Variants in DOK6 observed in about 807,000 individuals in gnomAD.
DOK6 encodes the protein docking protein 6.
DOK6 carries 22 observed loss-of-function variants against 44.0 expected under a neutral mutation model. The ratio of observed to expected loss-of-function variants is 0.50; its 90% CI spans 0.36 to 0.71. The LOEUF (loss-of-function observed/expected upper bound fraction) is 0.71. Among genes scored for constraint, DOK6 ranks in the 30% least tolerant of loss-of-function variants. DOK6 has a pLI of 0.00. For missense variants in DOK6, 340 were observed against 416.4 expected, an observed-to-expected ratio of 0.82 and a Z score of 1.60; for synonymous variants, 166 against 145.5, an observed-to-expected ratio of 1.14 and a Z score of -1.01.
At chr18:69,448,045 AT>A (rs902169409) in intron 1 of DOK6, among the ~76,000 whole-genome samples, 3 of 152,152 alleles carry the variant, frequency 2.0e-5, no homozygotes, top group African/African-American at 7.2e-5. Context: ...TAGCAATTGC[AT>A]TGCTCATTTT....
chr18:69,816,284 G>A (rs1981396126), intron 7 of DOK6, among the ~76,000 whole-genome samples: 1 of 152,126 alleles, frequency 6.6e-6, no homozygotes, highest in South Asian at 2.1e-4. Context: ...ACATTGAAAC[G>A]ACAGCAGCTG....
At chr18:69,556,751 CTATT>C (rs750888739) in intron 1 of DOK6, among the ~76,000 whole-genome samples, 4 of 152,132 alleles carry the variant, frequency 2.6e-5, no homozygotes, top group Admixed American at 6.5e-5. Context: ...ATCTACCTAT[CTATT>C]TAACAGCCAT....
intron 3 of DOK6, among the ~76,000 whole-genome samples, chr18:69,626,643 T>C (rs1287228864): frequency 6.6e-6 from 1 of 152,204 alleles, no homozygotes; most frequent in Non-Finnish European, 1.5e-5. Flanking sequence ...CAGGAAAAAC[T>C]GGTCTTAACC....
intron 5 of DOK6, among the ~76,000 whole-genome samples, chr18:69,725,528 C>T (rs1300886260): frequency 1.3e-5 from 2 of 152,180 alleles, no homozygotes; most frequent in African/African-American, 4.8e-5. Flanking sequence ...CACTCTGTCA[C>T]CCTGGCTGGA....
chr18:69,619,220 T>A (rs1314788060), intron 3 of DOK6, among the ~76,000 whole-genome samples: 1 of 152,214 alleles, frequency 6.6e-6, no homozygotes, highest in Non-Finnish European at 1.5e-5. Context: ...CGGCTGTGAC[T>A]GTGGACCAGG....
intron 1 of DOK6, among the ~76,000 whole-genome samples, chr18:69,513,468 GATA>G (rs1981431607): frequency 6.6e-6 from 1 of 152,178 alleles, no homozygotes; most frequent in Non-Finnish European, 1.5e-5. Context: ...AGTCACTCCA[GATA>G]ATGAGGATTT....
At chr18:69,790,736 CA>C (rs1980570156) in intron 7 of DOK6, among the ~76,000 whole-genome samples, 2 of 152,014 alleles carry the variant, frequency 1.3e-5, no homozygotes, top group Admixed American at 1.3e-4. Flanking sequence ...ACAATCACAT[CA>C]GGGGAGTATT....
chr18:69,823,625 TTGTG>T (rs72248499), intron 7 of DOK6, among the ~76,000 whole-genome samples: 15,677 of 146,650 alleles, frequency 0.11, 850 homozygotes, highest in African/African-American at 0.14. Flanking sequence ...GTGTGTGTGT[TTGTG>T]TGTGTGTGTG....
At position 69,650,680 on chromosome 18, in the gene DOK6, A is replaced by C. The variant is rs573348193; in HGVS notation, c.290-27054A>C. Among the ~76,000 whole-genome samples, 4 of 152,280 alleles carry C rather than the reference A, an allele frequency of 2.6e-5. No homozygotes were observed. In the East Asian group the frequency reaches 7.7e-4, roughly 29 times the overall value. ...TATGCCAGAAGAATAAATTCTAGAG[A>C]TCTTCTGCACAATATTGTGCTTACC... On this transcript the variant is annotated intron_variant, in intron 3 of 7. Transcript: ENST00000382713.
intron 2 of DOK6, among the ~76,000 whole-genome samples, chr18:69,576,884 C>A (rs565422211): frequency 6.6e-6 from 1 of 152,054 alleles, no homozygotes; most frequent in Non-Finnish European, 1.5e-5. Context: ...AGTTTATAGA[C>A]ATTTTAATAA....
intron 3 of DOK6, among the ~76,000 whole-genome samples, chr18:69,624,588 T>C (rs577886711): frequency 6.6e-6 from 1 of 152,210 alleles, no homozygotes; most frequent in Non-Finnish European, 1.5e-5. Context: ...GACATACAAT[T>C]AGCTGAACAA....
chr18:69,411,464 A>G (rs1190363894), intron 1 of DOK6, among the ~76,000 whole-genome samples: 1 of 152,166 alleles, frequency 6.6e-6, no homozygotes, highest in Non-Finnish European at 1.5e-5. Flanking sequence ...GCTAGCCAGG[A>G]TGGAGAACCA....
In DOK6 at chr18:69,695,408, TAG is replaced by T. The variant is rs1460713060; in HGVS notation, c.410-2991_410-2990del. 2.6e-5 allele frequency among the ~76,000 whole-genome samples: 4 copies of T among 152,180 alleles called. No homozygotes were observed. The East Asian group carries it at 7.7e-4, about 29-fold the overall frequency. On this transcript the variant is annotated intron_variant, in intron 4 of 7. Transcript: ENST00000382713. The stretch of plus-strand genomic sequence containing the variant: ...TCTTAAATTTAAAAAGCAGCATAAT[TAG>T]AGAGTGATTTAAAACGCCTGCTTGA...
chr18:69,723,674 A>G (rs766377701), intron 5 of DOK6, among the ~76,000 whole-genome samples: 1 of 152,216 alleles, frequency 6.6e-6, no homozygotes, highest in Non-Finnish European at 1.5e-5. Context: ...GCTCCTGTGA[A>G]ACCATTGCTC....
intron 1 of DOK6, among the ~76,000 whole-genome samples, chr18:69,441,044 T>G (rs917832292): frequency 6.6e-5 from 10 of 152,256 alleles, no homozygotes; most frequent in Admixed American, 5.9e-4. Context: ...AAAATTAAAC[T>G]TTTCAAATTA....
At chr18:69,512,332 CT>C (rs548031851) in intron 1 of DOK6, among the ~76,000 whole-genome samples, 14,414 of 90,838 alleles carry the variant, frequency 0.16, 904 homozygotes, top group Middle Eastern at 0.23. Flanking sequence ...CTTTCTTCTT[CT>C]TTTTTTTTTT....
intron 5 of DOK6, among the ~76,000 whole-genome samples, chr18:69,703,535 A>G (rs1986567922): frequency 6.6e-6 from 1 of 152,316 alleles, no homozygotes; most frequent in African/African-American, 2.4e-5. Context: ...GTATCATTTT[A>G]AAAACATTAA....
At chr18:69,682,371 A>T (rs1599260703) in intron 4 of DOK6, among the ~76,000 whole-genome samples, 1 of 152,312 alleles carries the variant, frequency 6.6e-6, no homozygotes, top group Non-Finnish European at 1.5e-5. Context: ...CTATAAGCAG[A>T]TCTTCGTTGT....
At chr18:69,794,896 C>G (rs1980701403) in intron 7 of DOK6, among the ~76,000 whole-genome samples, 1 of 152,154 alleles carries the variant, frequency 6.6e-6, no homozygotes, top group Non-Finnish European at 1.5e-5. Context: ...GCCTGATGAT[C>G]TGTCACTGTC....
Sources: allele counts gnomAD v4.1 joint callset (sites outside exome capture counted in the v4.1 genomes callset), GRCh38; gene constraint gnomAD v4.1.1; transcripts MANE v1.5; gene names NCBI Gene and HGNC (gene_info 2026-07-23, HGNC 2026-07-21).